Variants in RAB11FIP4 observed in about 807,000 individuals in gnomAD.
RAB11FIP4 encodes the protein RAB11 family interacting protein 4.
A neutral mutation model predicts 74.3 loss-of-function variants in RAB11FIP4; 23 were observed. The observed-to-expected ratio is 0.31, with a 90% CI of 0.22 to 0.44. The LOEUF (loss-of-function observed/expected upper bound fraction) is 0.44. Among genes scored for constraint, RAB11FIP4 ranks in the 20% least tolerant of loss-of-function variants. RAB11FIP4 has a pLI of 1.00. For synonymous variants in RAB11FIP4, 360 were observed against 359.9 expected (o/e 1.00, Z 0.00); for missense variants, 630 against 863.9 (o/e 0.73, Z 3.39).
intron 3 of RAB11FIP4, among the ~76,000 whole-genome samples, chr17:31,471,567 G>A (rs762173978): frequency 5.3e-5 from 8 of 152,200 alleles, no homozygotes; most frequent in Non-Finnish European, 1.2e-4. Flanking sequence ...CTGTCAAGCA[G>A]GTCACCCAGC....
intron 3 of RAB11FIP4, among the ~76,000 whole-genome samples, chr17:31,514,212 A>T (rs773375824): frequency 2.8e-4 from 43 of 152,240 alleles, no homozygotes; most frequent in Non-Finnish European, 4.9e-4. Context: ...TGCTGGGAGT[A>T]TCAGGACGCT....
chr17:31,461,997 C>G (rs2142717788), intron 3 of RAB11FIP4, among the ~76,000 whole-genome samples: 1 of 152,226 alleles, frequency 6.6e-6, no homozygotes, highest in African/African-American at 2.4e-5. Flanking sequence ...TGCGGTGGCT[C>G]ATGCCTGTAA....
chr17:31,440,057 A>G (rs889071600), intron 3 of RAB11FIP4, among the ~76,000 whole-genome samples: 1 of 152,148 alleles, frequency 6.6e-6, no homozygotes, highest in Admixed American at 6.6e-5. Flanking sequence ...CAACCTTTTT[A>G]TGCCATTTGC....
Position 31,521,338 on chromosome 17 carries a change from C to CT in RAB11FIP4, c.737dup (p.Ser248ValfsTer12). ...GACCAGGACCAACGTCTACTCGGAC[C>CT]TGGGGTCTTCGGTGTCTTCCAGGTG... On this transcript the variant is annotated frameshift_variant, in exon 5 of 15. Coordinates refer to ENST00000621161, the MANE Select transcript of RAB11FIP4 (RefSeq NM_032932.6). LOFTEE classifies it high-confidence loss of function. 6.2e-7 allele frequency: 1 copy of CT among 1,609,354 alleles called. No homozygotes were observed. The highest frequency in any genetic ancestry group is 8.5e-7 in the Non-Finnish European group (1 of 1,177,738).
At chr17:31,441,984 A>G (rs1369634582) in intron 3 of RAB11FIP4, among the ~76,000 whole-genome samples, 1 of 151,362 alleles carries the variant, frequency 6.6e-6, no homozygotes, top group Non-Finnish European at 1.5e-5. Context: ...CCAGTTTCTT[A>G]TTGTTGGGCG....
rs1330507643 is a variant in RAB11FIP4, at chr17:31,487,967, CCCCCG to C, written c.337-29673_337-29669del. 9 of 837,206 alleles carry C rather than the reference CCCCCG, an allele frequency of 1.1e-5. No homozygotes were observed. The African/African-American group carries it at 1.5e-4, about 14-fold the overall frequency. The allele number at this position is 837,206 out of a possible 1,614,324, so 51.9% of individuals were successfully genotyped here. On this transcript the variant is annotated intron_variant, in intron 3 of 14. Transcript: ENST00000621161. ...GCCGCGTCCCTGTCCTCCGCCCCCG[CCCCCG>C]CCCCGCCCCGGCGCGAGGCCCCGCC...
chr17:31,477,670 G>A (rs1047851166), intron 3 of RAB11FIP4, among the ~76,000 whole-genome samples: 1 of 152,252 alleles, frequency 6.6e-6, no homozygotes, highest in Admixed American at 6.5e-5. Flanking sequence ...TGAATGACGG[G>A]GTGAATGAAT....
At chr17:31,463,831 T>TTTTTTTA (rs2071656861) in intron 3 of RAB11FIP4, among the ~76,000 whole-genome samples, 4 of 129,598 alleles carry the variant, frequency 3.1e-5, no homozygotes, top group Non-Finnish European at 6.4e-5. Flanking sequence ...TTTTTTTTTT[T>TTTTTTTA]GAGACAGAGT....
intron 1 of RAB11FIP4, among the ~76,000 whole-genome samples, chr17:31,409,478 C>T (rs763326142): frequency 2.6e-5 from 4 of 152,124 alleles, no homozygotes; most frequent in African/African-American, 4.8e-5. Context: ...CGGCAGTCCA[C>T]CCAAATCACA....
intron 3 of RAB11FIP4, among the ~76,000 whole-genome samples, chr17:31,494,366 G>T (rs146119026): frequency 2.0e-5 from 3 of 152,038 alleles, no homozygotes; most frequent in Non-Finnish European, 2.9e-5. Context: ...CACAGGGTTC[G>T]TGGTAAGGCT....
intron 3 of RAB11FIP4, among the ~76,000 whole-genome samples, chr17:31,492,885 G>A (rs2072037905): frequency 6.6e-6 from 1 of 151,842 alleles, no homozygotes; most frequent in Admixed American, 6.6e-5. Context: ...CAGATTCTCA[G>A]AACCCCCCTG....
At position 31,528,703 on chromosome 17, in the gene RAB11FIP4, C is replaced by G. The variant is rs757685652; in HGVS notation, c.1578C>G (p.Ala526=). Residue 526 remains alanine (A), a synonymous_variant, in exon 13 of 15, where the codon GCC becomes GCG. Coordinates refer to ENST00000621161, the MANE Select transcript of RAB11FIP4 (RefSeq NM_032932.6). ...DCERPGRGRS[A]SSGLGEFNAR... ...AGCGGCCAGGCAGGGGCCGCAGTGC[C>G]TCCTCTGGCCTAGGCGAGTTCAATG... The G allele has an allele frequency of 1.2e-6, 2 of 1,612,416 alleles. No individual in the cohort carries two copies. Among genetic ancestry groups the G allele is most frequent in the South Asian group, 2.2e-5 (2 of 90,878 alleles).
intron 3 of RAB11FIP4, among the ~76,000 whole-genome samples, chr17:31,458,790 C>G (rs541832879): frequency 6.6e-6 from 1 of 152,214 alleles, no homozygotes; most frequent in Non-Finnish European, 1.5e-5. Context: ...TGTGGGTCAC[C>G]CAGGGTGTGA....
intron 4 of RAB11FIP4, among the ~76,000 whole-genome samples, chr17:31,520,715 G>A (rs1411103859): frequency 6.6e-6 from 1 of 152,084 alleles, no homozygotes; most frequent in African/African-American, 2.4e-5. Flanking sequence ...CACCATGTTA[G>A]CCAGGATGGT....
At chr17:31,452,979 G>A (rs1460745453) in intron 3 of RAB11FIP4, among the ~76,000 whole-genome samples, 10 of 152,168 alleles carry the variant, frequency 6.6e-5, no homozygotes, top group Admixed American at 2.0e-4. Context: ...AGGCATTACC[G>A]AGAGGTTTCC....
chr17:31,524,901 C>T (rs1313535904), intron 9 of RAB11FIP4, 189 bp from the exon 10 acceptor site: 3 of 694,018 alleles, frequency 4.3e-6, no homozygotes, highest in Non-Finnish European at 7.3e-6. Flanking sequence ...CCCTCCATGG[C>T]ATGTGTGACC....
At chr17:31,453,368 A>C (rs868366693) in intron 3 of RAB11FIP4, among the ~76,000 whole-genome samples, 3,146 of 148,590 alleles carry the variant, frequency 0.021, 149 homozygotes, top group African/African-American at 0.075. Flanking sequence ...AAAAAAAAAA[A>C]AAAAAAAAAA....
chr17:31,507,182 G>A (rs1233810544), intron 3 of RAB11FIP4, among the ~76,000 whole-genome samples: 20 of 152,228 alleles, frequency 1.3e-4, no homozygotes, highest in Admixed American at 1.3e-3. Flanking sequence ...GGGAGGCTGA[G>A]GCAGGAGAAT....
chr17:31,445,564 ATATATATATATATATTTTTTTTT>A (rs1206177306), intron 3 of RAB11FIP4, among the ~76,000 whole-genome samples: 134 of 13,120 alleles, frequency 0.01, 5 homozygotes, highest in East Asian at 0.061. Flanking sequence ...ATATATATAT[ATATATATATATATATTTTTTTTT>A]TTTTTTTTTT....
Sources: allele counts gnomAD v4.1 joint callset (sites outside exome capture counted in the v4.1 genomes callset), GRCh38; gene constraint gnomAD v4.1.1; transcripts MANE v1.5; gene names NCBI Gene and HGNC (gene_info 2026-07-23, HGNC 2026-07-21).